Variants in THSD7A observed in about 807,000 individuals in gnomAD.
THSD7A encodes the protein thrombospondin type 1 domain containing 7A.
Under a neutral mutation model 231.3 loss-of-function variants are expected in THSD7A, and 96 were observed. That is an observed-to-expected ratio of 0.41 (90% CI 0.35 to 0.49). The LOEUF is 0.49. Ranked by LOEUF, THSD7A falls within the 20% of genes least tolerant of loss-of-function variation. THSD7A has a pLI of 0.05. For missense variants in THSD7A, 2,290 were observed against 2,070.2 expected, an observed-to-expected ratio of 1.11 and a Z score of -2.06; for synonymous variants, 940 against 743.3, an observed-to-expected ratio of 1.26 and a Z score of -4.30.
chr7:11,671,252 G>A (rs944582405), intron 1 of THSD7A, among the ~76,000 whole-genome samples: 1 of 152,148 alleles, frequency 6.6e-6, no homozygotes, highest in African/African-American at 2.4e-5. Context: ...TCCTTTGATA[G>A]CTTCTGGTTG....
chr7:11,379,508 G>A, intron 25 of THSD7A, 122 bp downstream of exon 25: 2 of 994,786 alleles, frequency 2.0e-6, no homozygotes, highest in Non-Finnish European at 1.5e-6. Context: ...AAAAGGAGAT[G>A]TCTAAAATGG....
chr7:11,769,155 T>TATATATA (rs1562541467), intron 1 of THSD7A, among the ~76,000 whole-genome samples: 5 of 39,966 alleles, frequency 1.3e-4, no homozygotes, highest in Non-Finnish European at 2.8e-4. Flanking sequence ...ATATATATAT[T>TATATATA]TTTTTTTTTT....
intron 6 of THSD7A, among the ~76,000 whole-genome samples, chr7:11,503,523 C>A (rs1456018087): frequency 6.6e-6 from 1 of 152,040 alleles, no homozygotes; most frequent in African/African-American, 2.4e-5. Flanking sequence ...AAACAAAAAA[C>A]CTACAGAATA....
chr7:11,419,755 A>G (rs966694392), intron 16 of THSD7A, among the ~76,000 whole-genome samples: 2 of 152,214 alleles, frequency 1.3e-5, no homozygotes, highest in African/African-American at 4.8e-5. Flanking sequence ...AATAGTTGTG[A>G]CAAAAATGCT....
chr7:11,567,292 T>G (rs544217354), intron 4 of THSD7A, among the ~76,000 whole-genome samples: 5 of 151,900 alleles, frequency 3.3e-5, no homozygotes, highest in African/African-American at 7.3e-5. Context: ...AAAAGACAAG[T>G]GCAGAGTAAA....
At chr7:11,707,676 C>T (rs1780814714) in intron 1 of THSD7A, among the ~76,000 whole-genome samples, 1 of 150,804 alleles carries the variant, frequency 6.6e-6, no homozygotes, top group South Asian at 2.1e-4. Context: ...CACATCCAAA[C>T]CAGCAGCTTC....
In THSD7A at chr7:11,406,633, C is replaced by A. The variant is rs1402161016; in HGVS notation, c.4063-159G>T. On this transcript the variant is annotated intron_variant, in intron 21 of 27. Coordinates refer to ENST00000423059, the MANE Select transcript of THSD7A (RefSeq NM_015204.3). This position sits in a 1 kb window ranked among gnomAD's most constrained non-coding sequence, Gnocchi z 4.7. Reference sequence around the variant, plus strand: ...GCCCTATAGGGCACTAGCAATAAAGCATACATTGAACAATTTGTTTCCTAG... The same window carrying A: ...GCCCTATAGGGCACTAGCAATAAAGAATACATTGAACAATTTGTTTCCTAG... Among the ~76,000 whole-genome samples, 1 of 152,158 alleles carries A rather than the reference C, an allele frequency of 6.6e-6. No homozygotes were observed. The highest frequency in any genetic ancestry group is 1.5e-5 in the Non-Finnish European group (1 of 68,020).
chr7:11,438,173 C>G (rs1784692283), intron 13 of THSD7A, among the ~76,000 whole-genome samples: 2 of 152,080 alleles, frequency 1.3e-5, no homozygotes, highest in Admixed American at 6.6e-5. Context: ...TGAAACATGA[C>G]ACCTGCTTTG....
At chr7:11,386,861 T>G (rs1411218889) in intron 23 of THSD7A, among the ~76,000 whole-genome samples, 1 of 152,228 alleles carries the variant, frequency 6.6e-6, no homozygotes, top group African/African-American at 2.4e-5. Context: ...GTTTACGTCT[T>G]TAATCCATCT....
At chr7:11,463,837 G>A (rs1167779152) in intron 9 of THSD7A, among the ~76,000 whole-genome samples, 1 of 152,178 alleles carries the variant, frequency 6.6e-6, no homozygotes, top group African/African-American at 2.4e-5. Context: ...AATTGCTAAT[G>A]CAGTCTCCAT....
At chr7:11,489,692 C>T (rs998802084) in intron 6 of THSD7A, among the ~76,000 whole-genome samples, 1 of 151,994 alleles carries the variant, frequency 6.6e-6, no homozygotes, top group African/African-American at 2.4e-5. Context: ...TCACCCCACC[C>T]CCTAACGTCC....
chr7:11,567,264 T>C (rs57584544), intron 4 of THSD7A, among the ~76,000 whole-genome samples: 5,373 of 38,120 alleles, frequency 0.14, 119 homozygotes, highest in South Asian at 0.24. Flanking sequence ...GCAAGACACT[T>C]CCCCCTCAAG....
At position 11,374,570 on chromosome 7, in the gene THSD7A, A is replaced by G. The variant is rs1384633771; in HGVS notation, c.*1224T>C. 2.6e-5 allele frequency: 4 copies of G among 152,038 alleles called. No homozygotes were observed. The highest frequency in any genetic ancestry group is 5.9e-5 in the Non-Finnish European group (4 of 67,976). 9.4% of individuals were successfully genotyped at this position (152,038 alleles called of 1,614,324 possible). On this transcript the variant is annotated 3_prime_UTR_variant, in exon 28 of 28. Coordinates refer to ENST00000423059, the MANE Select transcript of THSD7A (RefSeq NM_015204.3). ...TCCTTTAGTTACAAAGGTCATTGAT[A>G]CATTATTTATTTTCTCCATCTGCTC...
rs57930616 is a variant in THSD7A at position 11,572,678 on chromosome 7, AT to A, written c.1453+17781del. ...ACCAGCCACCATGCCCAGCAAATTA[AT>A]TTTTTTTTTTGGAGGCGGGTCTCAT... is the stretch of plus-strand genomic sequence containing the variant. On this transcript the variant is annotated intron_variant, in intron 4 of 27. Coordinates refer to ENST00000423059, the MANE Select transcript of THSD7A (RefSeq NM_015204.3). 3.3e-3 allele frequency among the ~76,000 whole-genome samples: 488 copies of A among 146,914 alleles called. 1 individual carries two copies. Among genetic ancestry groups the A allele is most frequent in the African/African-American group, 0.01 (420 of 40,200 alleles).
intron 1 of THSD7A, among the ~76,000 whole-genome samples, chr7:11,762,311 C>G (rs73298445): frequency 1.4e-4 from 22 of 152,180 alleles, no homozygotes; most frequent in African/African-American, 5.3e-4. Context: ...TGAGACACCC[C>G]CATACTGATT....
chr7:11,568,485 T>A (rs1790462548), intron 4 of THSD7A, among the ~76,000 whole-genome samples: 1 of 150,796 alleles, frequency 6.6e-6, no homozygotes, highest in African/African-American at 2.4e-5. Context: ...ATTGGCCAGG[T>A]GTGGTGGCAG....
chr7:11,427,947 T>C (rs1009335594), intron 14 of THSD7A, among the ~76,000 whole-genome samples: 4 of 152,154 alleles, frequency 2.6e-5, no homozygotes, highest in Non-Finnish European at 5.9e-5. Flanking sequence ...ATCAAGACTC[T>C]TTAGAGTACT....
intron 4 of THSD7A, among the ~76,000 whole-genome samples, chr7:11,577,838 T>C (rs1029678940): frequency 5.3e-5 from 8 of 152,026 alleles, no homozygotes; most frequent in Non-Finnish European, 1.0e-4. Flanking sequence ...TACAAGCATC[T>C]TTGTCAGAAT....
chr7:11,379,542 T>C, intron 25 of THSD7A, 88 bp downstream of exon 25: 1 of 1,275,320 alleles, frequency 7.8e-7, no homozygotes, highest in South Asian at 1.3e-5. Context: ...CAAGACATGC[T>C]TTCTTTGGAG....
Sources: allele counts gnomAD v4.1 joint callset (sites outside exome capture counted in the v4.1 genomes callset), GRCh38; gene constraint gnomAD v4.1.1; non-coding constraint Gnocchi (gnomAD v3.1); transcripts MANE v1.5; gene names NCBI Gene and HGNC (gene_info 2026-07-23, HGNC 2026-07-21).